The following PGAP2 variants were observed in gnomAD, a reference collection of about 807,000 sequenced individuals.
PGAP2 encodes post-GPI attachment to proteins 2, also known as acyltransferase PGAP2.
In PGAP2, 21 loss-of-function variants were observed where a neutral mutation model predicts 33.2. That is an observed-to-expected ratio of 0.63 (90% confidence interval 0.45 to 0.91). The LOEUF (loss-of-function observed/expected upper bound fraction) is 0.91, where lower values mean the gene tolerates loss of function less well. Among genes scored for constraint, PGAP2 ranks in the 40% least tolerant of loss-of-function variants. The probability of loss-of-function intolerance (pLI) is 0.00; values close to 1 mark genes in which losing one functional copy is unlikely to be tolerated. For synonymous variants in PGAP2, 161 were observed against 172.9 expected, an observed-to-expected ratio of 0.93 and a Z score of 0.54; for missense variants, 345 against 424.0, an observed-to-expected ratio of 0.81 and a Z score of 1.64.
At chr11:3,805,259 CT>C (rs1171517604), upstream of PGAP2, among the ~76,000 whole-genome samples, 1,031 of 123,204 alleles carry the variant, frequency 8.4e-3, 2 homozygotes, top group African/African-American at 0.02. Context: ...TGTGGATATT[CT>C]TTTTTTTTTT....
upstream of PGAP2, chr11:3,807,984 T>G (rs2084724917): frequency 8.2e-7 from 1 of 1,218,388 alleles, no homozygotes; most frequent in Non-Finnish European, 1.0e-6. Context: ...TGGAAATCCT[T>G]TCTGCGCTAC....
At chr11:3,810,161 C>T (rs2085251425) in intron 1 of PGAP2, among the ~76,000 whole-genome samples, 1 of 152,192 alleles carries the variant, frequency 6.6e-6, no homozygotes, top group African/African-American at 2.4e-5. Flanking sequence ...TCTATCTTTA[C>T]AATGGGAATA....
At chr11:3,804,988 C>G (rs111766177), upstream of PGAP2, among the ~76,000 whole-genome samples, 4,189 of 152,316 alleles carry the variant, frequency 0.028, 201 homozygotes, top group African/African-American at 0.094. Context: ...AGGCGTGAGC[C>G]ACCGCACCCG....
chr11:3,824,236 C>T, intron 4 of PGAP2, 34 bp from the exon 5 acceptor site: 2 of 1,613,702 alleles, frequency 1.2e-6, no homozygotes, highest in Non-Finnish European at 1.7e-6. Flanking sequence ...TGGGCACTCC[C>T]TGCAATGTGG....
Position 3,814,814 on chromosome 11 carries a change from CTT to C in PGAP2, c.166-2537_166-2536del, listed in dbSNP as rs1197570610. The stretch of plus-strand genomic sequence containing the variant: ...TTTCTTTCTTTCTTTCTTTCTTTCT[CTT>C]TCTTTCTTTTTTTCTTTTTTTCCTT... On this transcript the variant is annotated intron_variant, in intron 2 of 6. Coordinates refer to ENST00000278243, the MANE Select transcript of PGAP2 (RefSeq NM_014489.4). 1.6e-4 allele frequency among the ~76,000 whole-genome samples: 18 copies of C among 109,660 alleles called. 1 individual carries two copies. The South Asian group carries it at 3.9e-3, about 24-fold the overall frequency. The allele number at this position is 109,660 out of a possible 152,430, so 71.9% of individuals were successfully genotyped here.
At position 3,822,633 on chromosome 11, in the gene PGAP2, C is replaced by G. The variant is rs1025006856; in HGVS notation, c.349-1250C>G. Reference sequence around the variant, plus strand: ...TAGGCGACAGAGTGAGACCCTGTCTCAAAAAGGGGGAAAACAAAATTAAAA... The same window carrying G: ...TAGGCGACAGAGTGAGACCCTGTCTGAAAAAGGGGGAAAACAAAATTAAAA... On this transcript the variant is annotated intron_variant, in intron 3 of 6. Coordinates refer to ENST00000278243, the MANE Select transcript of PGAP2 (RefSeq NM_014489.4). Among the ~76,000 whole-genome samples the G allele has an allele frequency of 3.3e-5, 5 of 152,076 alleles. No individual in the cohort carries two copies. The East Asian group carries it at 9.6e-4, about 29-fold the overall frequency.
At chr11:3,825,244 C>A in intron 6 of PGAP2, 84 bp from the exon 7 acceptor site, 1 of 1,556,374 alleles carries the variant, frequency 6.4e-7, no homozygotes. Flanking sequence ...CTGTGGCAGA[C>A]CAATGGTGGT....
Position 3,825,553 on chromosome 11 carries a change from C to A in PGAP2, c.*95C>A. On this transcript the variant is annotated 3_prime_UTR_variant, in exon 7 of 7. Coordinates refer to ENST00000278243, the MANE Select transcript of PGAP2 (RefSeq NM_014489.4). ...TTCCCCACCCCACATCCTCTCTTGG[C>A]CTTACTGAAGATGGGGGAAGGGTAA... 7.5e-7 allele frequency: 1 copy of A among 1,331,342 alleles called. No individual in the cohort carries two copies. Among genetic ancestry groups the A allele is most frequent in the Non-Finnish European group, 1.0e-6 (1 of 966,222 alleles). 82.5% of individuals were successfully genotyped at this position (1,331,342 alleles called of 1,614,324 possible).
upstream of PGAP2, among the ~76,000 whole-genome samples, chr11:3,803,947 C>T (rs1057290297): frequency 6.6e-6 from 1 of 151,916 alleles, no homozygotes; most frequent in Non-Finnish European, 1.5e-5. Flanking sequence ...CGTGCCACCA[C>T]GCCTGGCTAA....
intron 3 of PGAP2, chr11:3,823,024 C>CTTTT (rs746736798): frequency 0.012 from 3,777 of 306,970 alleles, 2 homozygotes; most frequent in South Asian, 0.025. Context: ...TTTTTCTTTT[C>CTTTT]TTTTTTTTTT....
chr11:3,825,179 AATG>A, intron 6 of PGAP2, 51 bp downstream of exon 6: 1 of 1,593,992 alleles, frequency 6.3e-7, no homozygotes, highest in East Asian at 2.2e-5. Flanking sequence ...GCGGGGCAGC[AATG>A]ATGTTTTTGA....
Position 3,823,864 on chromosome 11 carries a change from A to C in PGAP2, c.349-19A>C, listed in dbSNP as rs1247791029. 1 of 1,599,422 alleles carries C rather than the reference A, an allele frequency of 6.3e-7. No individual in the cohort carries two copies. Among genetic ancestry groups the C allele is most frequent in the Admixed American group, 1.7e-5 (1 of 59,988 alleles). On this transcript the variant is annotated intron_variant, in intron 3 of 6. Coordinates refer to ENST00000278243, the MANE Select transcript of PGAP2 (RefSeq NM_014489.4). ...GGGGCTGGCAGAGGCAGATGCCCAG[A>C]CAGGTCACAACTCTCTAGGTGCCCA...
At chr11:3,808,200 T>C (rs2084788457), upstream of PGAP2, 2 of 1,496,518 alleles carry the variant, frequency 1.3e-6, no homozygotes, top group Admixed American at 2.0e-5. Flanking sequence ...CGAGGCTGGA[T>C]AGTTCGGTTA....
At chr11:3,810,299 G>T (rs1313967934) in intron 1 of PGAP2, among the ~76,000 whole-genome samples, 1 of 152,198 alleles carries the variant, frequency 6.6e-6, no homozygotes, top group Non-Finnish European at 1.5e-5. Flanking sequence ...AGAGAGGAAG[G>T]GGTCAAGGAA....
intron 1 of PGAP2, among the ~76,000 whole-genome samples, chr11:3,810,921 C>T (rs1399949739): frequency 6.6e-6 from 1 of 152,190 alleles, no homozygotes; most frequent in Non-Finnish European, 1.5e-5. Flanking sequence ...TAAAGAGAGA[C>T]ACTTATTTAA....
In PGAP2 at chr11:3,811,545, C is replaced by T. The variant is rs998067581; in HGVS notation, c.165+121C>T. The T allele has an allele frequency of 2.9e-5, 27 of 922,440 alleles. No individual in the cohort carries two copies. In the African/African-American group the frequency reaches 4.2e-4, roughly 14 times the overall value. The allele number at this position is 922,440 out of a possible 1,614,324, so 57.1% of individuals were successfully genotyped here. On this transcript the variant is annotated intron_variant, in intron 2 of 6. Coordinates refer to ENST00000278243, the MANE Select transcript of PGAP2 (RefSeq NM_014489.4). This position sits in a 1 kb window ranked among gnomAD's most constrained non-coding sequence, Gnocchi z 4.6. ...GGGGCCCATCAAACATACGGGGCTG[C>T]TGGGGGGATGCCTGCAAATTGAAAT...
In PGAP2 at chr11:3,825,680, G is replaced by A; in HGVS notation, c.*222G>A. On this transcript the variant is annotated 3_prime_UTR_variant, in exon 7 of 7. Coordinates refer to ENST00000278243, the MANE Select transcript of PGAP2 (RefSeq NM_014489.4). ...CTCAAACATCACCTTTACCTGAGAG[G>A]CCCCAAGAAGCTGAGCTGGCAGAGA... 1 of 343,266 alleles carries A rather than the reference G, an allele frequency of 2.9e-6. No homozygotes were observed. The highest frequency in any genetic ancestry group is 2.1e-5 in the African/African-American group (1 of 46,928). 21.3% of individuals were successfully genotyped at this position (343,266 alleles called of 1,614,324 possible).
chr11:3,805,597 G>A (rs901131610), upstream of PGAP2, among the ~76,000 whole-genome samples: 2 of 148,302 alleles, frequency 1.3e-5, no homozygotes, highest in East Asian at 2.1e-4. Flanking sequence ...GGCTGGGCAC[G>A]GTGGCTCATG....
chr11:3,821,378 C>T (rs1488420650), intron 3 of PGAP2, among the ~76,000 whole-genome samples: 4 of 152,260 alleles, frequency 2.6e-5, no homozygotes, highest in Non-Finnish European at 2.9e-5. Context: ...TCTGGCACTG[C>T]GCTGGCCCTC....
Sources: gnomAD v4.1 joint callset for allele counts (sites outside exome capture counted in the v4.1 genomes callset) on GRCh38, gnomAD v4.1.1 for gene constraint, Gnocchi (gnomAD v3.1) non-coding constraint, MANE v1.5 for transcripts, NCBI Gene and HGNC (gene_info 2026-07-23, HGNC 2026-07-21) for gene names.